The following NMNAT3 variants were observed in gnomAD, a reference collection of about 807,000 sequenced individuals.
NMNAT3 encodes nicotinamide nucleotide adenylyltransferase 3.
Under a neutral mutation model 24.8 loss-of-function variants are expected in NMNAT3, and 21 were observed. The ratio of observed to expected loss-of-function variants is 0.85; its 90% confidence interval spans 0.60 to 1.22. NMNAT3 has a LOEUF of 1.22. Ranked by LOEUF, NMNAT3 falls within the 50% of genes most tolerant of loss-of-function variation. The pLI is 0.00. For synonymous variants in NMNAT3, 136 were observed against 155.2 expected (o/e 0.88, Z 0.92); for missense variants, 387 against 436.6 (o/e 0.89, Z 1.01).
At chr3:139,634,251 T>G (rs1237701729) in intron 2 of NMNAT3, 1 of 152,206 alleles carries the variant, frequency 6.6e-6, no homozygotes, top group Non-Finnish European at 1.5e-5. Context: ...GCAGTCAATT[T>G]ACCTTTCCCT....
chr3:139,584,126 C>T (rs1031009721), intron 3 of NMNAT3: 3 of 154,532 alleles, frequency 1.9e-5, no homozygotes. Flanking sequence ...TCCTTCTACT[C>T]TATTGGTGTT....
intron 3 of NMNAT3, among the ~76,000 whole-genome samples, chr3:139,583,764 G>T (rs903820848): frequency 2.0e-5 from 3 of 152,256 alleles, no homozygotes; most frequent in Admixed American, 1.3e-4. Flanking sequence ...AAGTTTAACA[G>T]CTATTTCTAA....
At chr3:139,596,503 TG>T (rs2054466558) in intron 3 of NMNAT3, among the ~76,000 whole-genome samples, 1 of 152,210 alleles carries the variant, frequency 6.6e-6, no homozygotes, top group South Asian at 2.1e-4. Flanking sequence ...ACTTATTTTT[TG>T]TTTTTACCTT....
At chr3:139,618,877 G>A (rs2055631996) in intron 3 of NMNAT3, among the ~76,000 whole-genome samples, 1 of 152,158 alleles carries the variant, frequency 6.6e-6, no homozygotes, top group African/African-American at 2.4e-5. Flanking sequence ...CTCTCATGGT[G>A]GCAAGTGGGT....
chr3:139,570,174 G>A (rs1015110393), intron 6 of NMNAT3: 1 of 152,176 alleles, frequency 6.6e-6, no homozygotes, highest in Non-Finnish European at 1.5e-5. Flanking sequence ...TAGCTCTCGT[G>A]CCTTGGTTTT....
At chr3:139,590,560 A>G (rs1367288690) in intron 3 of NMNAT3, among the ~76,000 whole-genome samples, 1 of 152,200 alleles carries the variant, frequency 6.6e-6, no homozygotes, top group Non-Finnish European at 1.5e-5. Flanking sequence ...AAAGAGTCAT[A>G]AGTGATTGCT....
At chr3:139,629,415 T>C (rs1435575557) in intron 2 of NMNAT3, among the ~76,000 whole-genome samples, 2 of 152,216 alleles carry the variant, frequency 1.3e-5, no homozygotes, top group South Asian at 2.1e-4. Context: ...AAATTATATC[T>C]GAATTCACGA....
At chr3:139,586,542 AC>A (rs999759810) in intron 3 of NMNAT3, among the ~76,000 whole-genome samples, 45 of 152,144 alleles carry the variant, frequency 3.0e-4, no homozygotes, top group Middle Eastern at 3.4e-3. Flanking sequence ...GGGCTGAGGT[AC>A]CCCCTCCTTC....
Position 139,583,107 on chromosome 3 carries a change from T to A in NMNAT3, c.211A>T (p.Asn71Tyr). 1.9e-6 allele frequency: 3 copies of A among 1,550,696 alleles called. No homozygotes were observed. The highest frequency in any genetic ancestry group is 2.2e-5 in the East Asian group (1 of 44,564). ...GGGTCATCATTTTTGCTGCTAACAT[T>A]ATTTTGAATCCTTTTTTGCAGATGA... Residue 71 changes from asparagine to tyrosine, a missense_variant, in exon 4 of 7, where the codon AAT becomes TAT. By Grantham distance (143) the Asn-to-Tyr change is moderately radical. This residue lies in a region of NMNAT3 where 13 missense variants were observed against 35.8 expected (regional missense o/e 0.36). Transcript: ENST00000643695.
intron 1 of NMNAT3, among the ~76,000 whole-genome samples, chr3:139,648,038 A>G (rs1467171570): frequency 1.3e-5 from 2 of 152,272 alleles, no homozygotes; most frequent in Middle Eastern, 3.4e-3. Context: ...GTGTAGTGAT[A>G]TGGTTTGGCT....
At chr3:139,603,554 A>C (rs1020386046) in intron 3 of NMNAT3, among the ~76,000 whole-genome samples, 1 of 152,216 alleles carries the variant, frequency 6.6e-6, no homozygotes, top group Non-Finnish European at 1.5e-5. Flanking sequence ...CATGATCAGC[A>C]TCGACCAACA....
chr3:139,565,782 T>A (rs1434409265), intron 6 of NMNAT3: 1 of 152,220 alleles, frequency 6.6e-6, no homozygotes, highest in Non-Finnish European at 1.5e-5. Context: ...TTTGGGTTGG[T>A]TCCAAGTCTT....
chr3:139,660,921 C>T (rs1391606242), intron 1 of NMNAT3, among the ~76,000 whole-genome samples: 4 of 152,098 alleles, frequency 2.6e-5, no homozygotes, highest in African/African-American at 4.8e-5. Context: ...CTAAAGAAAA[C>T]GTGCCGGGAA....
intron 3 of NMNAT3, among the ~76,000 whole-genome samples, chr3:139,597,141 TCTATAA>T (rs924991702): frequency 5.9e-5 from 9 of 151,758 alleles, no homozygotes; most frequent in African/African-American, 1.7e-4. Flanking sequence ...GAATCTCCTT[TCTATAA>T]CTATATTTCT....
chr3:139,667,432 G>T (rs1006361437), intron 1 of NMNAT3, among the ~76,000 whole-genome samples: 5 of 152,134 alleles, frequency 3.3e-5, no homozygotes. Flanking sequence ...CGGATCATTT[G>T]CACATTTAAA....
In NMNAT3 at chr3:139,658,114, G is replaced by A. The variant is rs771521400; in HGVS notation, c.-141+19591C>T. On this transcript the variant is annotated intron_variant, in intron 1 of 6. Transcript: ENST00000643695. ...GGGGTTCTGCTGGTTGAAGGAGCTC[G>A]GGAAGCACCCCTCTCTGTGGTAAGG... 1.3e-5 allele frequency among the ~76,000 whole-genome samples: 2 copies of A among 152,116 alleles called. 1 individual carries two copies. Among genetic ancestry groups the A allele is most frequent in the South Asian group, 4.2e-4 (2 of 4,798 alleles).
intron 2 of NMNAT3, among the ~76,000 whole-genome samples, chr3:139,630,281 T>C (rs1237860687): frequency 6.6e-6 from 1 of 152,180 alleles, no homozygotes; most frequent in Non-Finnish European, 1.5e-5. Flanking sequence ...AAGGCATCTA[T>C]TTAGCTTGAC....
chr3:139,617,933 G>A (rs2055585777), intron 3 of NMNAT3, among the ~76,000 whole-genome samples: 2 of 152,198 alleles, frequency 1.3e-5, no homozygotes, highest in South Asian at 4.1e-4. Flanking sequence ...CATATGTTGT[G>A]CTGAATCATT....
At position 139,616,037 on chromosome 3, in the gene NMNAT3, C is replaced by T. The variant is rs766654505; in HGVS notation, c.109+11579G>A. Among the ~76,000 whole-genome samples, 12 of 152,264 alleles carry T rather than the reference C, an allele frequency of 7.9e-5. No homozygotes were observed. The South Asian group carries it at 1.2e-3, about 16-fold the overall frequency. On this transcript the variant is annotated intron_variant, in intron 3 of 6. Transcript: ENST00000643695. ...TGGGTCCTTGCCATTCACAAGAGGA[C>T]TGTTGCTACTAGCCACCTCTATCTC...
Sources: allele counts gnomAD v4.1 joint callset (sites outside exome capture counted in the v4.1 genomes callset), GRCh38; gene constraint gnomAD v4.1.1; regional missense constraint gnomAD v4.1.1; transcripts MANE v1.5; gene names NCBI Gene and HGNC (gene_info 2026-07-23, HGNC 2026-07-21).